PIK3CA: variants seen among roughly 807,000 people sequenced by gnomAD.
PIK3CA encodes the protein phosphatidylinositol 4,5-bisphosphate 3-kinase catalytic subunit alpha isoform.
Under a neutral mutation model 138.2 loss-of-function variants are expected in PIK3CA, and 27 were observed. The observed-to-expected ratio is 0.20, with a 90% confidence interval of 0.14 to 0.27. The LOEUF (loss-of-function observed/expected upper bound fraction) is 0.27, where lower values mean the gene tolerates loss of function less well. PIK3CA is among the 10% of genes least tolerant of loss of function. PIK3CA has a pLI of 1.00. For synonymous variants in PIK3CA, 358 were observed against 413.2 expected (o/e 0.87, Z 1.62); for missense variants, 544 against 1,277.4 (o/e 0.43, Z 8.75).
chr3:179,178,222 C>A (rs1420440080), intron 1 of PIK3CA, among the ~76,000 whole-genome samples: 1 of 143,774 alleles, frequency 7.0e-6, no homozygotes, highest in African/African-American at 2.6e-5. Flanking sequence ...CCACTGCACT[C>A]CAGCCTGGGT....
At chr3:179,155,617 T>C (rs902350548) in intron 1 of PIK3CA, among the ~76,000 whole-genome samples, 1 of 152,188 alleles carries the variant, frequency 6.6e-6, no homozygotes, top group Non-Finnish European at 1.5e-5. Flanking sequence ...AAAAGTAATC[T>C]AGAGATGATT....
chr3:179,167,026 A>G (rs1229597531), intron 1 of PIK3CA, among the ~76,000 whole-genome samples: 1 of 152,164 alleles, frequency 6.6e-6, no homozygotes, highest in Non-Finnish European at 1.5e-5. Flanking sequence ...AAACCAAGAA[A>G]ATGGAAATTA....
intron 14 of PIK3CA, among the ~76,000 whole-genome samples, chr3:179,221,500 C>T (rs1328626890): frequency 6.6e-6 from 1 of 152,010 alleles, no homozygotes; most frequent in Non-Finnish European, 1.5e-5. Flanking sequence ...TATTCAGGTC[C>T]CTAAGTATTT....
chr3:179,167,289 A>T (rs1456524121), intron 1 of PIK3CA, among the ~76,000 whole-genome samples: 1 of 152,108 alleles, frequency 6.6e-6, no homozygotes, highest in African/African-American at 2.4e-5. Flanking sequence ...TCCATTTTTG[A>T]AAGTTTCTGA....
At chr3:179,201,884 A>G (rs1276733482) in intron 4 of PIK3CA, among the ~76,000 whole-genome samples, 2 of 151,776 alleles carry the variant, frequency 1.3e-5, no homozygotes, top group Non-Finnish European at 2.9e-5. Context: ...GGGATTACAG[A>G]CGTGAGCCAC....
chr3:179,220,739 T>G lies in PIK3CA; in HGVS notation c.2016-247T>G, dbSNP rs1184984482. 1.3e-5 allele frequency among the ~76,000 whole-genome samples: 2 copies of G among 152,144 alleles called. No homozygotes were observed. Among genetic ancestry groups the G allele is most frequent in the East Asian group, 3.8e-4 (2 of 5,200 alleles). ...CATGTTTTTATATCTTGTACTGAGA[T>G]TAGTCAATGAAAACTAGTTGAAATA... On this transcript the variant is annotated intron_variant, in intron 13 of 20. Transcript: ENST00000263967. This position sits in a 1 kb window ranked among gnomAD's most constrained non-coding sequence, Gnocchi z 4.1.
At chr3:179,228,954 A>G (rs1310435578) in intron 17 of PIK3CA, among the ~76,000 whole-genome samples, 5 of 152,164 alleles carry the variant, frequency 3.3e-5, no homozygotes, top group Non-Finnish European at 7.4e-5. Flanking sequence ...TCAATTAAAC[A>G]TCTTTAAATT....
intron 14 of PIK3CA, among the ~76,000 whole-genome samples, 162 bp from the exon 15 acceptor site, chr3:179,223,919 G>A (rs1406763311): frequency 2.0e-5 from 3 of 152,156 alleles, no homozygotes; most frequent in Non-Finnish European, 4.4e-5. Context: ...GAGTGTTGCT[G>A]CTCTGTGTTG....
At chr3:179,175,254 T>C (rs577809758) in intron 1 of PIK3CA, among the ~76,000 whole-genome samples, 19 of 152,236 alleles carry the variant, frequency 1.2e-4, no homozygotes, top group Non-Finnish European at 2.6e-4. Flanking sequence ...CCTACAATTA[T>C]GTGATATTTT....
Position 179,219,790 on chromosome 3 carries a change from G to A in PIK3CA, c.1911+55G>A, listed in dbSNP as rs1489691242. On this transcript the variant is annotated intron_variant, in intron 12 of 20. Transcript: ENST00000263967. The surrounding 1 kb of genome is among the most constrained non-coding windows in gnomAD (Gnocchi z 4.2). ...TTAATTACAATAATAATTTATTCTA[G>A]ATCCATACAACTTCCTTTTAAAAAA... is the stretch of plus-strand genomic sequence containing the variant. 1 of 1,421,404 alleles carries A rather than the reference G, an allele frequency of 7.0e-7. No homozygotes were observed. Among genetic ancestry groups the A allele is most frequent in the Non-Finnish European group, 9.6e-7 (1 of 1,038,990 alleles). The allele number at this position is 1,421,404 out of a possible 1,614,324, so 88.0% of individuals were successfully genotyped here.
intron 1 of PIK3CA, among the ~76,000 whole-genome samples, chr3:179,152,789 A>T (rs1282115952): frequency 6.6e-6 from 1 of 152,156 alleles, no homozygotes; most frequent in South Asian, 2.1e-4. Flanking sequence ...ACACTGTGAC[A>T]TTTGGTTTCA....
At chr3:179,191,194 T>C (rs1724125883) in intron 1 of PIK3CA, among the ~76,000 whole-genome samples, 1 of 152,220 alleles carries the variant, frequency 6.6e-6, no homozygotes, top group Non-Finnish European at 1.5e-5. Flanking sequence ...ACCTTGGTTC[T>C]GATGCTGCTT....
At chr3:179,183,269 TAA>T (rs1243485789) in intron 1 of PIK3CA, among the ~76,000 whole-genome samples, 3 of 152,218 alleles carry the variant, frequency 2.0e-5, no homozygotes, top group Admixed American at 1.3e-4. Context: ...CATCAGGATA[TAA>T]AGTTATTGTT....
At chr3:179,201,194 A>T (rs1343450017) in intron 3 of PIK3CA, 96 bp from the exon 4 acceptor site, 2 of 1,013,160 alleles carry the variant, frequency 2.0e-6, no homozygotes, top group Non-Finnish European at 2.9e-6. Flanking sequence ...AGCATTTCTG[A>T]TATGGATAAA....
intron 1 of PIK3CA, among the ~76,000 whole-genome samples, chr3:179,175,552 C>G (rs1051212337): frequency 6.6e-6 from 1 of 152,038 alleles, no homozygotes; most frequent in African/African-American, 2.4e-5. Flanking sequence ...GTTCCCTCTC[C>G]TTTGTTTTCA....
rs757466738 is a variant in PIK3CA at position 179,234,181 on chromosome 3, T to C, written c.3024T>C (p.Ser1008=). The part of the protein sequence containing the change: ...FINLFSMMLG[S]GMPELQSFDD... ...ATCTTTTCTCAATGATGCTTGGCTCTGGAATGCCAGAACTACAATCTTTTG... is the reference window on the plus strand; with the variant it reads ...ATCTTTTCTCAATGATGCTTGGCTCCGGAATGCCAGAACTACAATCTTTTG... Residue 1008 remains serine, a synonymous_variant, in exon 21 of 21, where the codon TCT becomes TCC. Coordinates refer to ENST00000263967, the MANE Select transcript of PIK3CA (RefSeq NM_006218.4). This position sits in a 1 kb window ranked among gnomAD's most constrained non-coding sequence, Gnocchi z 5.1. The C allele has an allele frequency of 2.5e-6, 4 of 1,613,744 alleles. No homozygotes were observed. The South Asian group carries it at 4.4e-5, about 18-fold the overall frequency.
chr3:179,181,385 C>T, intron 1 of PIK3CA, among the ~76,000 whole-genome samples: 1 of 151,904 alleles, frequency 6.6e-6, no homozygotes, highest in East Asian at 1.9e-4. Context: ...ATAAATACGG[C>T]ACTGTTATTT....
At position 179,237,196 on chromosome 3, in the gene PIK3CA, T is replaced by G. The variant is rs1725348670; in HGVS notation, c.*2832T>G. ...TTAATTTGAAATCTGTTACTCTTAT[T>G]GTGGAATTTGTTTTTTTAAAAAAGA... On this transcript the variant is annotated 3_prime_UTR_variant, in exon 21 of 21. Coordinates refer to ENST00000263967, the MANE Select transcript of PIK3CA (RefSeq NM_006218.4). 1 of 194,832 alleles carries G rather than the reference T, an allele frequency of 5.1e-6. No individual in the cohort carries two copies. The highest frequency in any genetic ancestry group is 1.1e-5 in the Non-Finnish European group (1 of 93,668). 12.1% of individuals were successfully genotyped at this position (194,832 alleles called of 1,614,324 possible).
At chr3:179,227,748 A>G (rs1444335917) in intron 17 of PIK3CA, among the ~76,000 whole-genome samples, 4 of 152,134 alleles carry the variant, frequency 2.6e-5, no homozygotes, top group Non-Finnish European at 5.9e-5. Context: ...GAGCAAGGAA[A>G]ACCAAACTTT....
Sources: gnomAD v4.1 joint callset for allele counts (sites outside exome capture counted in the v4.1 genomes callset) on GRCh38, gnomAD v4.1.1 for gene constraint, Gnocchi (gnomAD v3.1) non-coding constraint, MANE v1.5 for transcripts, NCBI Gene and HGNC (gene_info 2026-07-23, HGNC 2026-07-21) for gene names.